The following MBD5 variants were observed in gnomAD, a reference collection of about 807,000 sequenced individuals.
The protein encoded by MBD5 is methyl-CpG binding domain protein 5.
Under a neutral mutation model 117.3 loss-of-function variants are expected in MBD5, and 13 were observed. The observed-to-expected ratio is 0.11, with a 90% CI of 0.07 to 0.18. The LOEUF (loss-of-function observed/expected upper bound fraction) is 0.18. Ranked by LOEUF, MBD5 falls within the 10% of genes least tolerant of loss-of-function variation. The probability of loss-of-function intolerance (pLI) is 1.00; values close to 1 mark genes in which losing one functional copy is unlikely to be tolerated. For synonymous variants in MBD5, 727 were observed against 766.4 expected, an observed-to-expected ratio of 0.95 and a Z score of 0.85; for missense variants, 1,879 against 2,093.8, an observed-to-expected ratio of 0.90 and a Z score of 2.00.
At chr2:148,076,312 A>G (rs938381667) in intron 1 of MBD5, among the ~76,000 whole-genome samples, 1 of 152,234 alleles carries the variant, frequency 6.6e-6, no homozygotes, top group African/African-American at 2.4e-5. Context: ...GATTGGTAGT[A>G]TATCAGTCAA....
intron 1 of MBD5, among the ~76,000 whole-genome samples, chr2:148,145,289 C>T (rs1474844016): frequency 6.6e-6 from 1 of 152,146 alleles, no homozygotes; most frequent in Non-Finnish European, 1.5e-5. Flanking sequence ...GATTTTTGCA[C>T]ATTGATTTTG....
intron 1 of MBD5, among the ~76,000 whole-genome samples, chr2:148,163,997 C>G (rs529854842): frequency 6.6e-6 from 1 of 152,222 alleles, no homozygotes; most frequent in South Asian, 2.1e-4. Flanking sequence ...ACATCTTTTA[C>G]TAATTTTTTC....
intron 3 of MBD5, among the ~76,000 whole-genome samples, chr2:148,245,437 A>G (rs1269854413): frequency 6.6e-6 from 1 of 151,936 alleles, no homozygotes; most frequent in African/African-American, 2.4e-5. Context: ...ATTTTTTTTA[A>G]TTAGCTGAGT....
At chr2:148,486,679 A>G (rs1432057121) in intron 10 of MBD5, among the ~76,000 whole-genome samples, 4 of 152,238 alleles carry the variant, frequency 2.6e-5, no homozygotes, top group African/African-American at 7.2e-5. Context: ...AATTAGCAAT[A>G]GATATGAACA....
chr2:148,106,553 G>A (rs1487125140), intron 1 of MBD5, among the ~76,000 whole-genome samples: 1 of 151,596 alleles, frequency 6.6e-6, no homozygotes, highest in Non-Finnish European at 1.5e-5. Flanking sequence ...TATATTTATT[G>A]TATTTGCTGT....
intron 4 of MBD5, among the ~76,000 whole-genome samples, chr2:148,362,148 T>C (rs532019525): frequency 6.6e-6 from 1 of 152,162 alleles, no homozygotes; most frequent in South Asian, 2.1e-4. Flanking sequence ...CCATTCACTC[T>C]CCTGGAAAGG....
At chr2:148,480,747 C>T (rs1448982843) in intron 8 of MBD5, among the ~76,000 whole-genome samples, 1 of 151,884 alleles carries the variant, frequency 6.6e-6, no homozygotes, top group Non-Finnish European at 1.5e-5. Context: ...TACTATATGC[C>T]TACTTCAGTA....
intron 4 of MBD5, among the ~76,000 whole-genome samples, chr2:148,361,755 G>T (rs919481087): frequency 6.6e-6 from 1 of 152,060 alleles, no homozygotes; most frequent in South Asian, 2.1e-4. Flanking sequence ...AACAGCTCCG[G>T]TCTGCAGCTC....
At position 148,061,270 on chromosome 2, in the gene MBD5, G is replaced by A. The variant is rs1409520664; in HGVS notation, c.-925+39586G>A. On this transcript the variant is annotated intron_variant, in intron 1 of 13. Transcript: ENST00000642680. ...TTGTAATTATCAGTAATTGGTAATAGCATTCAAATGATCAGTCGCTCAGTG... is the reference window on the plus strand; with the variant it reads ...TTGTAATTATCAGTAATTGGTAATAACATTCAAATGATCAGTCGCTCAGTG... Among the ~76,000 whole-genome samples, 26 of 151,968 alleles carry A rather than the reference G, an allele frequency of 1.7e-4. 1 individual carries two copies. The highest frequency in any genetic ancestry group is 1.7e-3 in the Admixed American group (26 of 15,266).
chr2:148,336,136 T>C (rs924039958), intron 3 of MBD5, among the ~76,000 whole-genome samples: 1 of 152,220 alleles, frequency 6.6e-6, no homozygotes, highest in Admixed American at 6.5e-5. Flanking sequence ...ACCTATGTCA[T>C]TGAATCCTTC....
chr2:148,417,148 G>C (rs1175227277), intron 4 of MBD5, among the ~76,000 whole-genome samples: 2 of 151,946 alleles, frequency 1.3e-5, no homozygotes, highest in African/African-American at 4.8e-5. Context: ...TTTTAGACAG[G>C]ATCTCACTCT....
intron 1 of MBD5, among the ~76,000 whole-genome samples, chr2:148,072,251 G>T (rs1367927085): frequency 1.3e-5 from 2 of 152,116 alleles, no homozygotes; most frequent in Non-Finnish European, 2.9e-5. Flanking sequence ...AACTTATGTA[G>T]TTACCTGAAA....
At chr2:148,328,849 G>T (rs1240171313) in intron 3 of MBD5, among the ~76,000 whole-genome samples, 2 of 152,058 alleles carry the variant, frequency 1.3e-5, no homozygotes, top group Admixed American at 1.3e-4. Flanking sequence ...TTCCTATTCG[G>T]CCATCCATAT....
At chr2:148,099,683 A>G (rs1416731170) in intron 1 of MBD5, among the ~76,000 whole-genome samples, 1 of 152,170 alleles carries the variant, frequency 6.6e-6, no homozygotes. Flanking sequence ...ACTGAAATTC[A>G]TCAGATCTGA....
chr2:148,447,705 G>C (rs1414312195), intron 4 of MBD5: 1 of 152,158 alleles, frequency 6.6e-6, no homozygotes, highest in Admixed American at 6.6e-5. Context: ...AGGCAGGAAT[G>C]TTGGCCTAGT....
chr2:148,285,388 T>A (rs1428650479), intron 3 of MBD5, among the ~76,000 whole-genome samples: 1 of 152,244 alleles, frequency 6.6e-6, no homozygotes, highest in Admixed American at 6.5e-5. Context: ...TGAAAGCTGA[T>A]TAAGATCTTA....
chr2:148,223,872 C>T (rs565832390), intron 2 of MBD5, among the ~76,000 whole-genome samples: 2 of 152,148 alleles, frequency 1.3e-5, no homozygotes, highest in Admixed American at 6.5e-5. Context: ...CCGTAAACTT[C>T]CTTCTTAGTA....
intron 8 of MBD5, among the ~76,000 whole-genome samples, chr2:148,475,690 G>C (rs937480765): frequency 2.0e-5 from 3 of 152,090 alleles, no homozygotes; most frequent in Non-Finnish European, 4.4e-5. Flanking sequence ...AGATGCCTAA[G>C]CTACTATTTA....
At chr2:148,440,187 G>C (rs1035981913) in intron 4 of MBD5, among the ~76,000 whole-genome samples, 1 of 152,102 alleles carries the variant, frequency 6.6e-6, no homozygotes, top group African/African-American at 2.4e-5. Context: ...TTGAAAACTA[G>C]TCTAATCTAT....
Sources: gnomAD v4.1 joint callset for allele counts (sites outside exome capture counted in the v4.1 genomes callset) on GRCh38, gnomAD v4.1.1 for gene constraint, MANE v1.5 for transcripts, NCBI Gene and HGNC (gene_info 2026-07-23, HGNC 2026-07-21) for gene names.